Variants in PCDH15 observed in about 807,000 individuals in gnomAD.
The protein encoded by PCDH15 is protocadherin-15.
Under a neutral mutation model 178.5 loss-of-function variants are expected in PCDH15, and 129 were observed. The observed-to-expected ratio is 0.72, with a 90% CI of 0.63 to 0.84. PCDH15 has a LOEUF of 0.84. PCDH15 is among the 40% of genes least tolerant of loss of function. The pLI is 0.00. For missense variants in PCDH15, 2,230 were observed against 2,099.9 expected, an observed-to-expected ratio of 1.06 and a Z score of -1.21; for synonymous variants, 800 against 732.0, an observed-to-expected ratio of 1.09 and a Z score of -1.50.
intron 2 of PCDH15, among the ~76,000 whole-genome samples, chr10:54,577,636 G>A (rs1198243710): frequency 6.6e-6 from 1 of 151,930 alleles, no homozygotes; most frequent in Non-Finnish European, 1.5e-5. Context: ...TCAAGGCAAA[G>A]CATTGCTACA....
chr10:53,978,656 T>TG lies in PCDH15; in HGVS notation c.2869-16765dup, dbSNP rs1383360468. Among the ~76,000 whole-genome samples, 255 of 75,372 alleles carry TG rather than the reference T, an allele frequency of 3.4e-3. 1 individual carries two copies. Among genetic ancestry groups the TG allele is most frequent in the African/African-American group, 0.01 (218 of 20,800 alleles). 49.4% of individuals were successfully genotyped at this position (75,372 alleles called of 152,430 possible). ...CCAACTGGAATTCCTCTCCAGAAAATGTTTTTTTTTTTTTTTTTCTACTGC... is the reference window on the plus strand; with the variant it reads ...CCAACTGGAATTCCTCTCCAGAAAATGGTTTTTTTTTTTTTTTTTCTACTGC... On this transcript the variant is annotated intron_variant, in intron 21 of 37. Coordinates refer to ENST00000644397, the MANE Select transcript of PCDH15 (RefSeq NM_001384140.1).
intron 2 of PCDH15, among the ~76,000 whole-genome samples, chr10:55,406,559 G>A (rs1479297115): frequency 1.3e-5 from 2 of 152,182 alleles, no homozygotes; most frequent in Non-Finnish European, 2.9e-5. Flanking sequence ...CATCAGATGA[G>A]GTGGAGACAA....
chr10:54,059,455 TA>T (rs1432861157), intron 18 of PCDH15, among the ~76,000 whole-genome samples: 10 of 152,230 alleles, frequency 6.6e-5, no homozygotes, highest in Non-Finnish European at 1.5e-4. Context: ...AAGAATTTTA[TA>T]TTTTTCCTCT....
chr10:53,905,440 T>C (rs2082611861), intron 25 of PCDH15, among the ~76,000 whole-genome samples: 1 of 152,152 alleles, frequency 6.6e-6, no homozygotes, highest in Non-Finnish European at 1.5e-5. Flanking sequence ...TTCATGCCAT[T>C]CTCCTGCCTC....
At chr10:54,345,829 A>AAAG (rs1943172485) in intron 6 of PCDH15, among the ~76,000 whole-genome samples, 35 of 137,196 alleles carry the variant, frequency 2.6e-4, no homozygotes, top group African/African-American at 7.7e-4. Flanking sequence ...AAAAAAAAAA[A>AAAG]AAAAAGAAAT....
intron 20 of PCDH15, among the ~76,000 whole-genome samples, chr10:54,002,603 G>A (rs1284951233): frequency 6.6e-6 from 1 of 152,194 alleles, no homozygotes; most frequent in Non-Finnish European, 1.5e-5. Context: ...AGGGGTCAAT[G>A]AGGAAATTGA....
In PCDH15 at chr10:54,622,603, T is replaced by TAAA. The variant is rs1291288556; in HGVS notation, c.91+41568_91+41569insTTT. 1.9e-4 allele frequency among the ~76,000 whole-genome samples: 18 copies of TAAA among 96,480 alleles called. 2 individuals carry two copies. The highest frequency in any genetic ancestry group is 6.5e-4 in the Admixed American group (4 of 6,112). 63.3% of individuals were successfully genotyped at this position (96,480 alleles called of 152,430 possible). ...TATATAATATATATAATATATAATA[T>TAAA]ATATAATTATATATAATATATATAA... On this transcript the variant is annotated intron_variant, in intron 2 of 37. Coordinates refer to ENST00000644397, the MANE Select transcript of PCDH15 (RefSeq NM_001384140.1).
chr10:54,924,943 G>C (rs1837581141), intron 2 of PCDH15, among the ~76,000 whole-genome samples: 1 of 152,116 alleles, frequency 6.6e-6, no homozygotes, highest in African/African-American at 2.4e-5. Context: ...AAGCTATCTA[G>C]TCTACTAAGA....
intron 20 of PCDH15, among the ~76,000 whole-genome samples, chr10:54,018,793 T>C (rs922834394): frequency 6.6e-6 from 1 of 151,992 alleles, no homozygotes; most frequent in South Asian, 2.1e-4. Flanking sequence ...CATTTTTCTA[T>C]CTAAGCCCAT....
intron 15 of PCDH15, among the ~76,000 whole-genome samples, chr10:54,121,125 C>T (rs2095212254): frequency 7.0e-6 from 1 of 142,946 alleles, no homozygotes; most frequent in Admixed American, 6.9e-5. Context: ...AAATAGAAAG[C>T]AATACCAATA....
In PCDH15 at chr10:54,430,206, C is replaced by T. The variant is rs967661247; in HGVS notation, c.158-51264G>A. On this transcript the variant is annotated intron_variant, in intron 3 of 37. Coordinates refer to ENST00000644397, the MANE Select transcript of PCDH15 (RefSeq NM_001384140.1). ...GCTTAGCTGGGATTACAGGCATGTGCCACCATGCCCAACTAATTTTTGTAT... is the reference window on the plus strand; with the variant it reads ...GCTTAGCTGGGATTACAGGCATGTGTCACCATGCCCAACTAATTTTTGTAT... Among the ~76,000 whole-genome samples the T allele has an allele frequency of 3.3e-5, 5 of 152,138 alleles. No individual in the cohort carries two copies. In the East Asian group the frequency reaches 5.8e-4, roughly 18 times the overall value.
chr10:54,834,257 T>C (rs1953275252), intron 3 of PCDH15, among the ~76,000 whole-genome samples: 1 of 151,854 alleles, frequency 6.6e-6, no homozygotes, highest in African/African-American at 2.4e-5. Context: ...TGGCACAATC[T>C]TGGCTCACTG....
At chr10:54,336,983 C>T (rs373456767) in intron 6 of PCDH15, among the ~76,000 whole-genome samples, 1 of 152,242 alleles carries the variant, frequency 6.6e-6, no homozygotes. Context: ...ATCAGCATGA[C>T]CTGGATGTGA....
intron 2 of PCDH15, among the ~76,000 whole-genome samples, chr10:55,574,912 T>A (rs1460063635): frequency 2.0e-5 from 3 of 152,062 alleles, no homozygotes; most frequent in Non-Finnish European, 2.9e-5. Context: ...TTTAGTAACA[T>A]CTCTTGATGG....
intron 25 of PCDH15, among the ~76,000 whole-genome samples, chr10:53,918,446 G>T (rs199621412): frequency 6.6e-6 from 1 of 152,118 alleles, no homozygotes; most frequent in East Asian, 1.9e-4. Context: ...AGACACTTTT[G>T]CTCAGCTTCT....
chr10:53,992,236 C>A (rs966492748), intron 21 of PCDH15, among the ~76,000 whole-genome samples: 1 of 152,088 alleles, frequency 6.6e-6, no homozygotes. Flanking sequence ...AGACCACGAA[C>A]CCACCAGAAG....
intron 32 of PCDH15, chr10:53,822,824 T>TGTC: frequency 6.2e-7 from 1 of 1,614,026 alleles, no homozygotes. Flanking sequence ...CCTCTTTCTC[T>TGTC]GTCAAATTTG....
At chr10:54,646,281 A>T (rs2094128630) in intron 2 of PCDH15, among the ~76,000 whole-genome samples, 2 of 152,088 alleles carry the variant, frequency 1.3e-5, no homozygotes, top group Admixed American at 1.3e-4. Context: ...TGTATTCAGA[A>T]TACAAAACTC....
At chr10:54,813,855 T>A in intron 3 of PCDH15, among the ~76,000 whole-genome samples, 1 of 152,330 alleles carries the variant, frequency 6.6e-6, no homozygotes, top group South Asian at 2.1e-4. Flanking sequence ...ATAATTTCAA[T>A]ATCTAGTTTT....
Sources: gnomAD v4.1 joint callset for allele counts (sites outside exome capture counted in the v4.1 genomes callset) on GRCh38, gnomAD v4.1.1 for gene constraint, MANE v1.5 for transcripts, NCBI Gene and HGNC (gene_info 2026-07-23, HGNC 2026-07-21) for gene names.